SFXN2: variants seen among roughly 807,000 people sequenced by gnomAD.
SFXN2 encodes the protein sideroflexin 2.
Under a neutral mutation model 41.9 loss-of-function variants are expected in SFXN2, and 37 were observed. That is an observed-to-expected ratio of 0.88 (90% confidence interval 0.68 to 1.16). The LOEUF (loss-of-function observed/expected upper bound fraction) is 1.16, where lower values mean the gene tolerates loss of function less well. SFXN2 is among the 50% of genes most tolerant of loss of function. The probability of loss-of-function intolerance (pLI) is 0.00; values close to 1 mark genes in which losing one functional copy is unlikely to be tolerated. For missense variants in SFXN2, 386 were observed against 425.2 expected (o/e 0.91, Z 0.81); for synonymous variants, 150 against 156.7 (o/e 0.96, Z 0.32).
chr10:102,737,529 C>T (rs1404284128), intron 11 of SFXN2, 134 bp from the exon 12 acceptor site: 2 of 612,062 alleles, frequency 3.3e-6, no homozygotes, highest in African/African-American at 3.7e-5. Context: ...GGTAAAGCAA[C>T]ATTGTGGTAT....
chr10:102,735,783 C>T, intron 10 of SFXN2, 79 bp from the exon 11 acceptor site: 1 of 1,483,982 alleles, frequency 6.7e-7, no homozygotes, highest in East Asian at 2.3e-5. Flanking sequence ...CTGGGCATTG[C>T]TCCTTTCCCT....
In SFXN2 at chr10:102,727,139, T is replaced by C. The variant is rs747372762; in HGVS notation, c.314T>C (p.Phe105Ser). 5 of 1,602,142 alleles carry C rather than the reference T, an allele frequency of 3.1e-6. No individual in the cohort carries two copies. The East Asian group carries it at 9.0e-5, about 29-fold the overall frequency. Reference sequence around the variant, plus strand: ...CCTGGCGGCATGATCATCACGGGCTTCATGCTCCAGTTCTACAGGTGGGAC... The same window carrying C: ...CCTGGCGGCATGATCATCACGGGCTCCATGCTCCAGTTCTACAGGTGGGAC... ...QLPGGMIITG[F>S]MLQFYRTMPA... The change falls in exon 3 of 12, where the codon TTC becomes TCC. Residue 105 changes from phenylalanine to serine, a missense_variant. Transcript: ENST00000369893.
intron 8 of SFXN2, among the ~76,000 whole-genome samples, chr10:102,732,473 G>T (rs2064718192): frequency 6.6e-6 from 1 of 152,250 alleles, no homozygotes; most frequent in African/African-American, 2.4e-5. Flanking sequence ...TAGACACAGT[G>T]TGGGGTGCTA....
At chr10:102,719,477 C>G (rs963329961) in intron 1 of SFXN2, among the ~76,000 whole-genome samples, 3 of 151,840 alleles carry the variant, frequency 2.0e-5, no homozygotes, top group Non-Finnish European at 4.4e-5. Context: ...GATCCACCCG[C>G]CTCGGCCTCC....
At position 102,742,629 on chromosome 10, in the gene SFXN2, T is replaced by A. The variant is rs1299644675; in HGVS notation, c.*4867T>A. ...CACCACCATGCTTGGCTAATTTGGC[T>A]AATTTAGTTTTTTTATTTTTGTAGA... On this transcript the variant is annotated 3_prime_UTR_variant, in exon 12 of 12. Transcript: ENST00000369893. 6.6e-6 allele frequency: 1 copy of A among 152,014 alleles called. No homozygotes were observed. The highest frequency in any genetic ancestry group is 2.4e-5 in the African/African-American group (1 of 41,342). 9.4% of individuals were successfully genotyped at this position (152,014 alleles called of 1,614,324 possible). A position where few individuals can be genotyped will look rare whatever the true frequency, so the allele number is the denominator to read the frequency against.
intron 6 of SFXN2, among the ~76,000 whole-genome samples, chr10:102,731,422 G>T (rs1056123509): frequency 1.6e-4 from 25 of 152,078 alleles, no homozygotes; most frequent in Non-Finnish European, 2.9e-5. Flanking sequence ...TCCCCATTTT[G>T]CAGATAAGCA....
In SFXN2 at chr10:102,737,993, A is replaced by C; in HGVS notation, c.*231A>C. ...GCCAATGTCTTCTAGCTGCTTCCTC[A>C]ACCCCTGTCCCCTGGAGACCAGAAG... On this transcript the variant is annotated 3_prime_UTR_variant, in exon 12 of 12. Coordinates refer to ENST00000369893, the MANE Select transcript of SFXN2 (RefSeq NM_178858.6). 1 of 303,524 alleles carries C rather than the reference A, an allele frequency of 3.3e-6. No individual in the cohort carries two copies. Among genetic ancestry groups the C allele is most frequent in the East Asian group, 5.3e-5 (1 of 18,796 alleles). 18.8% of individuals were successfully genotyped at this position (303,524 alleles called of 1,614,324 possible).
intron 5 of SFXN2, 97 bp downstream of exon 5, chr10:102,729,491 G>T: frequency 7.0e-7 from 1 of 1,436,920 alleles, no homozygotes. Context: ...CAGGCTGGGT[G>T]AGTTGGGAAT....
rs2064742979 is a variant in SFXN2 at position 102,734,261 on chromosome 10, G to A, written c.821+658G>A. On this transcript the variant is annotated intron_variant, in intron 10 of 11. Coordinates refer to ENST00000369893, the MANE Select transcript of SFXN2 (RefSeq NM_178858.6). The surrounding 1 kb of genome is among the most constrained non-coding windows in gnomAD (Gnocchi z 4.1). The stretch of plus-strand genomic sequence containing the variant: ...TCCCAGACTCACACAGGAGGGAAAT[G>A]CCACCAGTCACGTCAGGGTTCTTAG... 6.6e-6 allele frequency among the ~76,000 whole-genome samples: 1 copy of A among 152,150 alleles called. No individual in the cohort carries two copies.
chr10:102,722,925 C>CTTTTT (rs71019608), intron 1 of SFXN2, among the ~76,000 whole-genome samples: 1 of 53,360 alleles, frequency 1.9e-5, no homozygotes, highest in African/African-American at 7.8e-5. Flanking sequence ...CAAGAAAGTC[C>CTTTTT]TTTTTTTTTT....
In SFXN2 at chr10:102,729,407, G is replaced by A. The variant is rs777557431; in HGVS notation, c.507+13G>A. 1.9e-6 allele frequency: 3 copies of A among 1,613,858 alleles called. No homozygotes were observed. Among genetic ancestry groups the A allele is most frequent in the South Asian group, 2.2e-5 (2 of 91,062 alleles). On this transcript the variant is annotated intron_variant, in intron 5 of 11. Coordinates refer to ENST00000369893, the MANE Select transcript of SFXN2 (RefSeq NM_178858.6). ...CATGTTGACAAAGGTATGGTCTGGG[G>A]CCGCTGCAGCATGGTGGCCACGCGG...
At chr10:102,723,734 G>T (rs2064546746) in intron 1 of SFXN2, among the ~76,000 whole-genome samples, 1 of 152,200 alleles carries the variant, frequency 6.6e-6, no homozygotes, top group Admixed American at 6.5e-5. Context: ...CACAGACTCA[G>T]TGTTTCTCAA....
rs908902126 is a variant in SFXN2, at chr10:102,717,807, A to G, written c.-26+3126A>G. On this transcript the variant is annotated intron_variant, in intron 1 of 11. Coordinates refer to ENST00000369893, the MANE Select transcript of SFXN2 (RefSeq NM_178858.6). ...TAAGCAGTAAATATTCTTCGAGGGC[A>G]TGTGAAACATGTAGCAGTAAACATC... is the stretch of plus-strand genomic sequence containing the variant. 5 of 985,142 alleles carry G rather than the reference A, an allele frequency of 5.1e-6. No individual in the cohort carries two copies. In the African/African-American group the frequency reaches 5.2e-5, roughly 10 times the overall value. 61.0% of individuals were successfully genotyped at this position (985,142 alleles called of 1,614,324 possible). A position where few individuals can be genotyped will look rare whatever the true frequency, so the allele number is the denominator to read the frequency against.
chr10:102,724,913 G>A (rs1393469937), intron 1 of SFXN2: 1 of 142,134 alleles, frequency 7.0e-6, no homozygotes. Flanking sequence ...TTCAAACTGC[G>A]TTTTTTTTTT....
Position 102,737,845 on chromosome 10 carries a change from C to T in SFXN2, c.*83C>T. The T allele has an allele frequency of 1.0e-6, 1 of 988,000 alleles. No homozygotes were observed. Among genetic ancestry groups the T allele is most frequent in the South Asian group, 1.5e-5 (1 of 66,684 alleles). 61.2% of individuals were successfully genotyped at this position (988,000 alleles called of 1,614,324 possible). ...ACGTGCACACTTGTGTCCTCCTTCCCCTTTGCCAACAAGGCCTGAAGGCCA... is the reference window on the plus strand; with the variant it reads ...ACGTGCACACTTGTGTCCTCCTTCCTCTTTGCCAACAAGGCCTGAAGGCCA... On this transcript the variant is annotated 3_prime_UTR_variant, in exon 12 of 12. Transcript: ENST00000369893.
chr10:102,735,400 T>C (rs2064761914), intron 10 of SFXN2, among the ~76,000 whole-genome samples: 1 of 146,246 alleles, frequency 6.8e-6, no homozygotes, highest in Non-Finnish European at 1.5e-5. Context: ...TTCCTCCAAG[T>C]TGCTCCTGTC....
In SFXN2 at chr10:102,727,083, G is replaced by A. The variant is rs1044754107; in HGVS notation, c.258G>A (p.Met86Ile). The change falls in exon 3 of 12, where the codon ATG (methionine) becomes ATA (isoleucine). Residue 86 changes from methionine to isoleucine, a missense_variant. Met to Ile is a conservative substitution (Grantham distance 10). Transcript: ENST00000369893. ...TCCACCCCGACACTGGGGAGAAGATGAATGTCATCGGGCGCATGTCTTTCC... is the reference window on the plus strand; with the variant it reads ...TCCACCCCGACACTGGGGAGAAGATAAATGTCATCGGGCGCATGTCTTTCC... ...SAFHPDTGEK[M>I]NVIGRMSFQL... 6 of 1,611,230 alleles carry A rather than the reference G, an allele frequency of 3.7e-6. No individual in the cohort carries two copies. Among genetic ancestry groups the A allele is most frequent in the Non-Finnish European group, 5.1e-6 (6 of 1,177,574 alleles).
chr10:102,737,131 G>C (rs2134010345), intron 11 of SFXN2, among the ~76,000 whole-genome samples: 1 of 152,156 alleles, frequency 6.6e-6, no homozygotes, highest in Non-Finnish European at 1.5e-5. Context: ...TCCAGCCTGG[G>C]CAACAAGAGT....
intron 1 of SFXN2, chr10:102,717,907 G>C: frequency 1.8e-6 from 1 of 554,760 alleles, no homozygotes; most frequent in Non-Finnish European, 2.3e-6. Flanking sequence ...CACAGTCAAT[G>C]ACAAGAAGGT....
Sources: allele counts gnomAD v4.1 joint callset (sites outside exome capture counted in the v4.1 genomes callset), GRCh38; gene constraint gnomAD v4.1.1; non-coding constraint Gnocchi (gnomAD v3.1); transcripts MANE v1.5; gene names NCBI Gene and HGNC (gene_info 2026-07-23, HGNC 2026-07-21).